Variants in CPQ observed in about 807,000 individuals in gnomAD.
The protein encoded by CPQ is Ser-Met dipeptidase.
CPQ carries 37 observed loss-of-function variants against 45.7 expected under a neutral mutation model. The observed-to-expected ratio is 0.81, with a 90% CI of 0.62 to 1.07. The LOEUF is 1.07. Among genes scored for constraint, CPQ ranks in the 50% least tolerant of loss-of-function variants. The pLI, the probability that CPQ is intolerant of heterozygous loss-of-function variation, is 0.00. For missense variants in CPQ, 537 were observed against 572.9 expected (o/e 0.94, Z 0.64); for synonymous variants, 186 against 205.8 (o/e 0.90, Z 0.82).
intron 2 of CPQ, among the ~76,000 whole-genome samples, chr8:96,802,033 C>T (rs1811012667): frequency 1.3e-5 from 2 of 152,070 alleles, no homozygotes; most frequent in African/African-American, 4.8e-5. Context: ...TTTTCAGCTT[C>T]TCTCTGTGTG....
chr8:96,933,118 C>CATGGTAGTT (rs1812996209), intron 4 of CPQ, among the ~76,000 whole-genome samples: 1 of 152,098 alleles, frequency 6.6e-6, no homozygotes, highest in South Asian at 2.1e-4. Flanking sequence ...TACCACAAGC[C>CATGGTAGTT]CTCACCATGG....
intron 1 of CPQ, among the ~76,000 whole-genome samples, chr8:96,661,813 A>T (rs1438094067): frequency 3.3e-5 from 5 of 152,250 alleles, no homozygotes; most frequent in Admixed American, 2.6e-4. Flanking sequence ...AAAGAATGCC[A>T]TTGCTGGATT....
intron 5 of CPQ, among the ~76,000 whole-genome samples, chr8:96,970,598 C>T (rs1248904349): frequency 6.6e-6 from 1 of 150,760 alleles, no homozygotes; most frequent in African/African-American, 2.4e-5. Flanking sequence ...GAGTCTCGCT[C>T]TGTCGCCCAG....
intron 4 of CPQ, among the ~76,000 whole-genome samples, chr8:96,941,543 A>G (rs983006383): frequency 6.6e-6 from 1 of 152,044 alleles, no homozygotes; most frequent in Non-Finnish European, 1.5e-5. Context: ...ACTGTACAAT[A>G]TGGTTACTAT....
intron 1 of CPQ, among the ~76,000 whole-genome samples, chr8:96,762,076 G>A (rs1306033263): frequency 6.6e-6 from 1 of 152,176 alleles, no homozygotes; most frequent in Non-Finnish European, 1.5e-5. Flanking sequence ...ATCACGTGCT[G>A]CTGTGGCTTT....
At chr8:97,090,619 G>T (rs994684881) in intron 7 of CPQ, among the ~76,000 whole-genome samples, 33 of 152,146 alleles carry the variant, frequency 2.2e-4, no homozygotes, top group Non-Finnish European at 2.9e-5. Context: ...GAACCTAGGA[G>T]ATCAACCATA....
At chr8:97,028,129 G>T (rs1323246507) in intron 5 of CPQ, among the ~76,000 whole-genome samples, 1 of 152,238 alleles carries the variant, frequency 6.6e-6, no homozygotes, top group East Asian at 1.9e-4. Context: ...ACTATGGTCA[G>T]CCTGCATCCT....
At chr8:97,102,467 C>T (rs1033598572) in intron 7 of CPQ, among the ~76,000 whole-genome samples, 4 of 152,098 alleles carry the variant, frequency 2.6e-5, no homozygotes, top group Non-Finnish European at 4.4e-5. Flanking sequence ...CAATTGAAGG[C>T]GGCTGCTTTA....
chr8:97,068,494 G>T (rs1563571574), intron 7 of CPQ, among the ~76,000 whole-genome samples: 1 of 152,102 alleles, frequency 6.6e-6, no homozygotes, highest in Admixed American at 6.5e-5. Context: ...TTAGCCGGAT[G>T]TGGTGGTGCA....
At position 97,022,874 on chromosome 8, in the gene CPQ, A is replaced by G. The variant is rs139411771; in HGVS notation, c.962-6529A>G. Among the ~76,000 whole-genome samples the G allele has an allele frequency of 5.1e-3, 776 of 151,550 alleles. 3 individuals are homozygous for G. The highest frequency in any genetic ancestry group is 0.018 in the African/African-American group (744 of 41,384). On this transcript the variant is annotated intron_variant, in intron 5 of 7. Coordinates refer to ENST00000220763, the MANE Select transcript of CPQ (RefSeq NM_016134.4). ...TACCATTTGATCCAGCAATCCCACC[A>G]CTGGCTACGTACCCAGTGGAAAAGA...
intron 5 of CPQ, among the ~76,000 whole-genome samples, chr8:96,977,870 G>A (rs1216875458): frequency 6.6e-6 from 1 of 152,210 alleles, no homozygotes; most frequent in East Asian, 1.9e-4. Context: ...ATTGGGTGCA[G>A]TGTATACTTC....
chr8:97,006,313 G>C (rs534903552), intron 5 of CPQ, among the ~76,000 whole-genome samples: 1 of 151,996 alleles, frequency 6.6e-6, no homozygotes, highest in Non-Finnish European at 1.5e-5. Context: ...GTCTCTTCCC[G>C]TGTCTATGTC....
intron 2 of CPQ, among the ~76,000 whole-genome samples, chr8:96,811,400 AT>A (rs1449528128): frequency 1.3e-5 from 2 of 152,076 alleles, no homozygotes; most frequent in African/African-American, 2.4e-5. Context: ...TTATTGTATT[AT>A]TTGGAACAAA....
At chr8:96,665,923 G>C (rs562403590) in intron 1 of CPQ, among the ~76,000 whole-genome samples, 1 of 152,280 alleles carries the variant, frequency 6.6e-6, no homozygotes, top group Non-Finnish European at 1.5e-5. Context: ...GAGATTAGGA[G>C]AAAATTGCCA....
In CPQ at chr8:97,140,484, A is replaced by G. The variant is rs149891670; in HGVS notation, c.1256-2536A>G. Among the ~76,000 whole-genome samples the G allele has an allele frequency of 2.8e-3, 424 of 152,148 alleles. 2 individuals are homozygous for G. Among genetic ancestry groups the G allele is most frequent in the African/African-American group, 9.7e-3 (404 of 41,576 alleles). On this transcript the variant is annotated intron_variant, in intron 7 of 7. Coordinates refer to ENST00000220763, the MANE Select transcript of CPQ (RefSeq NM_016134.4). ...TGAAAATTTACAATAGCAACAAAATATATAAGCCATCAAAGAAAGAAAATG... is the reference window on the plus strand; with the variant it reads ...TGAAAATTTACAATAGCAACAAAATGTATAAGCCATCAAAGAAAGAAAATG...
chr8:96,958,079 G>A (rs1331377353), intron 4 of CPQ, among the ~76,000 whole-genome samples: 14 of 151,108 alleles, frequency 9.3e-5, no homozygotes, highest in Non-Finnish European at 1.8e-4. Flanking sequence ...GGCCTCAATT[G>A]ATCCTCCCTC....
At chr8:96,775,812 A>G (rs1191289015) in intron 1 of CPQ, among the ~76,000 whole-genome samples, 2 of 152,164 alleles carry the variant, frequency 1.3e-5, no homozygotes, top group African/African-American at 4.8e-5. Context: ...TACCAGTAGA[A>G]TCTCCATACC....
At chr8:96,843,163 C>T (rs567792612) in intron 3 of CPQ, among the ~76,000 whole-genome samples, 2 of 152,168 alleles carry the variant, frequency 1.3e-5, no homozygotes, top group African/African-American at 4.8e-5. Flanking sequence ...CGCCTTGGCT[C>T]CCAAAGTACT....
intron 5 of CPQ, among the ~76,000 whole-genome samples, chr8:97,021,983 A>G (rs979052952): frequency 1.3e-5 from 2 of 152,220 alleles, no homozygotes; most frequent in Admixed American, 6.5e-5. Flanking sequence ...ATTACAAACC[A>G]TATTATAAGG....
Sources: allele counts gnomAD v4.1 joint callset (sites outside exome capture counted in the v4.1 genomes callset), GRCh38; gene constraint gnomAD v4.1.1; transcripts MANE v1.5; gene names NCBI Gene and HGNC (gene_info 2026-07-23, HGNC 2026-07-21).